The following CPLANE1 variants were observed in gnomAD, a reference collection of about 807,000 sequenced individuals.
The protein encoded by CPLANE1 is ciliogenesis and planar polarity effector complex subunit 1, also known as ciliogenesis and planar polarity effector 1.
A neutral mutation model predicts 362.5 loss-of-function variants in CPLANE1; 263 were observed. The ratio of observed to expected loss-of-function variants is 0.73; its 90% CI spans 0.66 to 0.80. CPLANE1 has a LOEUF of 0.80. CPLANE1 is among the 30% of genes least tolerant of loss of function. The pLI is 0.00. For synonymous variants in CPLANE1, 1,212 were observed against 1,302.6 expected (o/e 0.93, Z 1.50); for missense variants, 3,461 against 3,793.4 (o/e 0.91, Z 2.30).
rs1783540068 is a variant in CPLANE1 at position 37,184,781 on chromosome 5, A to G, written c.4481+7T>C. ...GAATGCCAGTGATTAAAAGATCTCA[A>G]TTGTACCTTTGATAGATATTTATCC... is the stretch of plus-strand genomic sequence containing the variant. On this transcript the variant is annotated splice_region_variant and intron_variant, in intron 25 of 52. Transcript: ENST00000651892. 1.9e-6 allele frequency: 3 copies of G among 1,604,286 alleles called. No homozygotes were observed. Among genetic ancestry groups the G allele is most frequent in the African/African-American group, 2.7e-5 (2 of 74,426 alleles).
rs183934748 is a variant in CPLANE1, at chr5:37,245,933, G to A, written c.82-88C>T. On this transcript the variant is annotated intron_variant, in intron 2 of 52. Transcript: ENST00000651892. ...AATAAATTATCCCAGAAATCAAAGC[G>A]ACATTTAAGAAAGATTATCCATTTG... 1.6e-5 allele frequency: 20 copies of A among 1,243,880 alleles called. No homozygotes were observed. The East Asian group carries it at 2.4e-4, about 15-fold the overall frequency. 77.1% of individuals were successfully genotyped at this position (1,243,880 alleles called of 1,614,324 possible). A position where few individuals can be genotyped will look rare whatever the true frequency, so the allele number is the denominator to read the frequency against.
At chr5:37,173,463 G>C (rs989702762) in intron 32 of CPLANE1, among the ~76,000 whole-genome samples, 1 of 151,892 alleles carries the variant, frequency 6.6e-6, no homozygotes, top group Non-Finnish European at 1.5e-5. Flanking sequence ...TTTCCTAGTA[G>C]AATTTTTTTT....
Position 37,245,542 on chromosome 5 carries a change from G to C in CPLANE1, c.274C>G (p.Gln92Glu). Reference sequence around the variant, plus strand: ...ATTGGTATAGTTTTCAAACAATCTTGATCTTTGTTCCAAAGGAAAAGCTCT... The same window carrying C: ...ATTGGTATAGTTTTCAAACAATCTTCATCTTTGTTCCAAAGGAAAAGCTCT... Reference protein sequence around the residue: ...TGELFLWNKDQDCLKTIPITE... With the variant: ...TGELFLWNKDEDCLKTIPITE... Residue 92 changes from glutamine to glutamate, a missense_variant, in exon 4 of 53, where the codon CAA becomes GAA. Around this residue, in one of 2 missense-constraint regions of CPLANE1, gnomAD observed 3,380 missense variants for 3,666.1 expected, o/e 0.92. Transcript: ENST00000651892. The C allele has an allele frequency of 1.3e-6, 2 of 1,513,158 alleles. No individual in the cohort carries two copies. Among genetic ancestry groups the C allele is most frequent in the East Asian group, 2.5e-5 (1 of 39,390 alleles). The allele number at this position is 1,513,158 out of a possible 1,614,324, so 93.7% of individuals were successfully genotyped here. A position where few individuals can be genotyped will look rare whatever the true frequency, so the allele number is the denominator to read the frequency against.
intron 42 of CPLANE1, among the ~76,000 whole-genome samples, chr5:37,150,025 G>C (rs1773034061): frequency 6.6e-6 from 1 of 152,178 alleles, no homozygotes; most frequent in Non-Finnish European, 1.5e-5. Context: ...AAAGGCTTGA[G>C]AGAGGAGCCC....
chr5:37,229,216 CA>C (rs35861833), intron 9 of CPLANE1, among the ~76,000 whole-genome samples: 18,202 of 90,704 alleles, frequency 0.2, 1,094 homozygotes, highest in Admixed American at 0.25. Flanking sequence ...GACTCGGTCT[CA>C]AAAAAAAAAA....
chr5:37,219,858 G>T (rs1438254764), intron 15 of CPLANE1, among the ~76,000 whole-genome samples: 2 of 152,072 alleles, frequency 1.3e-5, no homozygotes, highest in Admixed American at 1.3e-4. Flanking sequence ...AACTAAACTT[G>T]TAAGTGATTT....
At position 37,198,694 on chromosome 5, in the gene CPLANE1, T is replaced by C. The variant is rs190206388; in HGVS notation, c.3672+8A>G. On this transcript the variant is annotated splice_region_variant and intron_variant, in intron 20 of 52. Transcript: ENST00000651892. The stretch of plus-strand genomic sequence containing the variant: ...CACAGCATGTAAATGACTAAGATAT[T>C]TCCATACCTTCTGCATGACTTTTCT... 26 of 1,611,108 alleles carry C rather than the reference T, an allele frequency of 1.6e-5. No homozygotes were observed. In the East Asian group the frequency reaches 5.6e-4, roughly 35 times the overall value.
At chr5:37,194,980 G>C (rs889206121) in intron 21 of CPLANE1, among the ~76,000 whole-genome samples, 1 of 151,738 alleles carries the variant, frequency 6.6e-6, no homozygotes, top group East Asian at 2.0e-4. Flanking sequence ...GTGAAACCCC[G>C]TCTCTACTAA....
Position 37,180,897 on chromosome 5 carries a change from C to T in CPLANE1, c.5530G>A (p.Glu1844Lys), listed in dbSNP as rs765373927. The change falls in exon 27 of 53, where the codon GAA (glutamate) becomes AAA (lysine). Residue 1844 changes from glutamate to lysine, a missense_variant. Around this residue, in one of 2 missense-constraint regions of CPLANE1, gnomAD observed 3,380 missense variants for 3,666.1 expected, o/e 0.92. Coordinates refer to ENST00000651892, the MANE Select transcript of CPLANE1 (RefSeq NM_001384732.1). ...CAAGATTTATTCTGACCATTTCTTT[C>T]CTCAGTTCCACCTGGAGTTGCTACT... ...VAVATPGGTE[E>K]RNGQNKSCQN... is the part of the protein sequence containing the mutation. 4.2e-5 allele frequency: 67 copies of T among 1,613,978 alleles called. No individual in the cohort carries two copies. Among genetic ancestry groups the T allele is most frequent in the Non-Finnish European group, 5.3e-5 (63 of 1,179,966 alleles).
At chr5:37,082,308 A>G in the CPLANE1 span, among the ~76,000 whole-genome samples, 10 of 152,320 alleles carry the variant, frequency 6.6e-5, no homozygotes, top group South Asian at 2.1e-3. Flanking sequence ...CAAAATTCCA[A>G]TGACATTTTT....
chr5:37,219,213 A>T (rs1794822282), intron 15 of CPLANE1, among the ~76,000 whole-genome samples: 1 of 151,832 alleles, frequency 6.6e-6, no homozygotes, highest in Admixed American at 6.6e-5. Context: ...CATCTCTACA[A>T]ATAATAAAAT....
intron 38 of CPLANE1, among the ~76,000 whole-genome samples, chr5:37,158,567 T>C (rs1159021307): frequency 6.6e-6 from 1 of 152,192 alleles, no homozygotes; most frequent in Non-Finnish European, 1.5e-5. Flanking sequence ...GTTTCTCTCA[T>C]ATGAATGATT....
At chr5:37,082,931 G>C in the CPLANE1 span, among the ~76,000 whole-genome samples, 7 of 152,134 alleles carry the variant, frequency 4.6e-5, no homozygotes, top group Non-Finnish European at 1.0e-4. Context: ...GCATGTGGAG[G>C]CTTGGATTAT....
chr5:37,187,060 CAAAAAA>C (rs61112118), intron 23 of CPLANE1, among the ~76,000 whole-genome samples: 5 of 50,394 alleles, frequency 9.9e-5, no homozygotes, highest in South Asian at 1.6e-3. Flanking sequence ...GACTCCGTCT[CAAAAAA>C]AAAAAAAAAA....
In CPLANE1 at chr5:37,138,766, A is replaced by G. The variant is rs139554617; in HGVS notation, c.8746T>C (p.Ser2916Pro). The G allele has an allele frequency of 1.2e-5, 20 of 1,613,170 alleles. No individual in the cohort carries two copies. In the East Asian group the frequency reaches 2.9e-4, roughly 23 times the overall value. Residue 2916 changes from serine (S) to proline (P), a missense_variant, in exon 46 of 53, where the codon TCC (serine) becomes CCC (proline). By Grantham distance (74) the Ser-to-Pro change is moderately conservative (BLOSUM62 -1). Coordinates refer to ENST00000651892, the MANE Select transcript of CPLANE1 (RefSeq NM_001384732.1). Reference sequence around the variant, plus strand: ...TCTGTTAAGCCAAGTTCTTCACTGGAAACTCCGTCTTTAATTATAAGGTCA... The same window carrying G: ...TCTGTTAAGCCAAGTTCTTCACTGGGAACTCCGTCTTTAATTATAAGGTCA... Reference protein sequence around the residue: ...IDDLIIKDGVSSEELGLTEQA... With the variant: ...IDDLIIKDGVPSEELGLTEQA...
chr5:37,238,204 CCT>C, intron 8 of CPLANE1, among the ~76,000 whole-genome samples: 1 of 152,064 alleles, frequency 6.6e-6, no homozygotes, highest in Non-Finnish European at 1.5e-5. Flanking sequence ...ACAGAGTCTC[CCT>C]CTGTCATCCA....
At chr5:37,143,112 A>G (rs569370592) in intron 43 of CPLANE1, among the ~76,000 whole-genome samples, 2 of 152,350 alleles carry the variant, frequency 1.3e-5, no homozygotes, top group South Asian at 4.1e-4. Context: ...TACCATCAAT[A>G]AAGTACAGCA....
chr5:37,175,999 A>G lies in CPLANE1; in HGVS notation c.5901-13T>C. 5 of 1,573,784 alleles carry G rather than the reference A, an allele frequency of 3.2e-6. No homozygotes were observed. Among genetic ancestry groups the G allele is most frequent in the Non-Finnish European group, 4.4e-6 (5 of 1,144,004 alleles). On this transcript the variant is annotated splice_polypyrimidine_tract_variant and intron_variant, in intron 30 of 52. Transcript: ENST00000651892. The stretch of plus-strand genomic sequence containing the variant: ...GGCTTCGATCATACTATCAATAAAA[A>G]TTAACAGGTGATTAGTAAGCAAGAT...
chr5:37,171,782 C>CTCTCTCTA (rs1441969980), intron 32 of CPLANE1, among the ~76,000 whole-genome samples: 26 of 144,562 alleles, frequency 1.8e-4, no homozygotes, highest in South Asian at 2.2e-4. Flanking sequence ...CTCTCTCTCT[C>CTCTCTCTA]TCTATCTATC....
Sources: gnomAD v4.1 joint callset for allele counts (sites outside exome capture counted in the v4.1 genomes callset) on GRCh38, gnomAD v4.1.1 for gene constraint, gnomAD v4.1.1 regional missense constraint, MANE v1.5 for transcripts, NCBI Gene and HGNC (gene_info 2026-07-23, HGNC 2026-07-21) for gene names.